Variants in PTAFR observed in about 807,000 individuals in gnomAD.
PTAFR encodes the protein platelet activating factor receptor, also known as platelet-activating factor receptor.
Under a neutral mutation model 14.7 loss-of-function variants are expected in PTAFR, and 8 were observed. That is an observed-to-expected ratio of 0.54 (90% CI 0.32 to 0.98). The LOEUF (loss-of-function observed/expected upper bound fraction) is 0.98, where lower values mean the gene tolerates loss of function less well. PTAFR is among the 50% of genes least tolerant of loss of function. The pLI, the probability that PTAFR is intolerant of heterozygous loss-of-function variation, is 0.04. For synonymous variants in PTAFR, 156 were observed against 176.5 expected (o/e 0.88, Z 0.92); for missense variants, 337 against 451.2 (o/e 0.75, Z 2.29).
At chr1:28,152,185 C>A (rs1427287106) in intron 1 of PTAFR, among the ~76,000 whole-genome samples, 1 of 152,110 alleles carries the variant, frequency 6.6e-6, no homozygotes, top group Admixed American at 6.5e-5. Flanking sequence ...GCGAGAGCCA[C>A]CACCCCTGAC....
chr1:28,178,785 A>G (rs879332009), upstream of PTAFR, among the ~76,000 whole-genome samples: 1 of 151,430 alleles, frequency 6.6e-6, no homozygotes, highest in Non-Finnish European at 1.5e-5. Flanking sequence ...CCTCACTCAC[A>G]CCTGCCAGGC....
upstream of PTAFR, among the ~76,000 whole-genome samples, chr1:28,177,740 T>C (rs569383530): frequency 6.6e-6 from 1 of 152,182 alleles, no homozygotes; most frequent in East Asian, 1.9e-4. Flanking sequence ...CTTTCTTCTT[T>C]TTTTTTTTCA....
intron 1 of PTAFR, among the ~76,000 whole-genome samples, chr1:28,186,263 G>A (rs1646605542): frequency 6.6e-6 from 1 of 151,962 alleles, no homozygotes; most frequent in South Asian, 2.1e-4. Flanking sequence ...GGGATTACAG[G>A]CGTGAGCCAC....
intron 1 of PTAFR, among the ~76,000 whole-genome samples, chr1:28,162,704 T>C (rs1403762712): frequency 4.0e-5 from 6 of 151,828 alleles, no homozygotes; most frequent in Non-Finnish European, 1.5e-5. Context: ...TGGGTGCCTG[T>C]AATCCCAGCT....
chr1:28,184,082 GTTTT>G (rs1165813776), intron 1 of PTAFR, among the ~76,000 whole-genome samples: 56 of 82,398 alleles, frequency 6.8e-4, no homozygotes, highest in African/African-American at 2.1e-3. Flanking sequence ...CCATTAGTCT[GTTTT>G]TTTTTTTTTT....
intron 1 of PTAFR, among the ~76,000 whole-genome samples, chr1:28,192,546 A>G (rs531251931): frequency 2.2e-4 from 32 of 148,824 alleles, no homozygotes; most frequent in Non-Finnish European, 4.3e-4. Context: ...CAATGAGAGC[A>G]AAACTCCGTC....
At chr1:28,178,553 G>A (rs368636338), upstream of PTAFR, among the ~76,000 whole-genome samples, 3 of 151,964 alleles carry the variant, frequency 2.0e-5, no homozygotes, top group Non-Finnish European at 4.4e-5. Context: ...GACCCACCGC[G>A]CCTGGCCAGA....
intron 1 of PTAFR, among the ~76,000 whole-genome samples, chr1:28,154,544 G>A (rs769137122): frequency 4.6e-5 from 7 of 152,126 alleles, no homozygotes; most frequent in Non-Finnish European, 7.4e-5. Flanking sequence ...GGCCGTGGTG[G>A]CTCACGCCTG....
chr1:28,162,548 G>A (rs967526267), intron 1 of PTAFR, among the ~76,000 whole-genome samples: 2 of 152,068 alleles, frequency 1.3e-5, no homozygotes, highest in African/African-American at 2.4e-5. Flanking sequence ...TATGTTGGCC[G>A]GGCATGGTGG....
chr1:28,153,087 A>G (rs1646213700), intron 1 of PTAFR, among the ~76,000 whole-genome samples: 1 of 151,934 alleles, frequency 6.6e-6, no homozygotes, highest in African/African-American at 2.4e-5. Flanking sequence ...TGAGCCCAGG[A>G]GTTCAAGACC....
upstream of PTAFR, among the ~76,000 whole-genome samples, chr1:28,177,400 G>A (rs1315149725): frequency 1.3e-5 from 2 of 152,178 alleles, no homozygotes; most frequent in Non-Finnish European, 2.9e-5. Flanking sequence ...CAGATCTGTG[G>A]GGGTGGAGGT....
chr1:28,176,957 G>C (rs961061389), upstream of PTAFR: 1 of 152,680 alleles, frequency 6.5e-6, no homozygotes, highest in African/African-American at 2.4e-5. Context: ...TGAGAAAGAG[G>C]AGGGAGGAGA....
chr1:28,175,475 A>G (rs1391676698), intron 1 of PTAFR, among the ~76,000 whole-genome samples: 2 of 151,816 alleles, frequency 1.3e-5, no homozygotes, highest in Non-Finnish European at 2.9e-5. Flanking sequence ...CACCACCCCA[A>G]ACACCTGGAA....
chr1:28,154,831 A>AAAGG (rs1553164371), intron 1 of PTAFR, among the ~76,000 whole-genome samples: 18 of 53,556 alleles, frequency 3.4e-4, no homozygotes, highest in African/African-American at 4.6e-4. Context: ...AAAAAAAAAA[A>AAAGG]GTGGGGGGGG....
At position 28,147,777 on chromosome 1, in the gene PTAFR, C is replaced by G. The variant is rs1033969291; in HGVS notation, c.*2216G>C. 1 of 152,178 alleles carries G rather than the reference C, an allele frequency of 6.6e-6. No individual in the cohort carries two copies. The highest frequency in any genetic ancestry group is 1.5e-5 in the Non-Finnish European group (1 of 68,038). 9.4% of individuals were successfully genotyped at this position (152,178 alleles called of 1,614,324 possible). A position where few individuals can be genotyped will look rare whatever the true frequency, so the allele number is the denominator to read the frequency against. ...GAGCAGTCACCCTGCCAAGAGGTGT[C>G]TGCCTCAACATTAGTGGCGTATAAC... is the stretch of plus-strand genomic sequence containing the variant. On this transcript the variant is annotated 3_prime_UTR_variant, in exon 2 of 2. Coordinates refer to ENST00000373857, the MANE Select transcript of PTAFR (RefSeq NM_000952.5).
upstream of PTAFR, chr1:28,176,923 A>G (rs1321013065): frequency 5.2e-5 from 8 of 152,916 alleles, no homozygotes; most frequent in African/African-American, 1.9e-4. Context: ...TGTACTCAAG[A>G]GAGCGAAAAA....
chr1:28,187,106 A>C (rs1646613799), intron 1 of PTAFR, among the ~76,000 whole-genome samples: 1 of 152,182 alleles, frequency 6.6e-6, no homozygotes, highest in Non-Finnish European at 1.5e-5. Flanking sequence ...GAGTGATATT[A>C]TCATAGTGAT....
chr1:28,162,610 G>C (rs1572035266), intron 1 of PTAFR, among the ~76,000 whole-genome samples: 1 of 152,014 alleles, frequency 6.6e-6, no homozygotes, highest in East Asian at 1.9e-4. Flanking sequence ...TGGATCACTT[G>C]AGGTCAGGAG....
At chr1:28,158,383 T>C (rs1465373152) in intron 1 of PTAFR, among the ~76,000 whole-genome samples, 1 of 151,880 alleles carries the variant, frequency 6.6e-6, no homozygotes, top group Non-Finnish European at 1.5e-5. Flanking sequence ...CTTTAAGGAG[T>C]TGAGAAGAGA....
Sources: gnomAD v4.1 joint callset for allele counts (sites outside exome capture counted in the v4.1 genomes callset) on GRCh38, gnomAD v4.1.1 for gene constraint, MANE v1.5 for transcripts, NCBI Gene and HGNC (gene_info 2026-07-23, HGNC 2026-07-21) for gene names.